Variants in MBNL2 observed in about 807,000 individuals in gnomAD.
The protein encoded by MBNL2 is muscleblind-like protein 2.
Under a neutral mutation model 41.9 loss-of-function variants are expected in MBNL2, and 17 were observed. The ratio of observed to expected loss-of-function variants is 0.41; its 90% confidence interval spans 0.28 to 0.61. The LOEUF (loss-of-function observed/expected upper bound fraction) is 0.61. MBNL2 is among the 20% of genes least tolerant of loss of function. MBNL2 has a pLI of 0.35. For synonymous variants in MBNL2, 195 were observed against 182.9 expected, an observed-to-expected ratio of 1.07 and a Z score of -0.53; for missense variants, 336 against 505.6, an observed-to-expected ratio of 0.66 and a Z score of 3.22.
At chr13:97,379,553 T>C (rs2065246351) in intron 8 of MBNL2, among the ~76,000 whole-genome samples, 1 of 152,022 alleles carries the variant, frequency 6.6e-6, no homozygotes, top group Admixed American at 6.5e-5. Context: ...CAACTAGAAG[T>C]TTAATTCAGT....
chr13:97,317,050 T>C (rs1168653332), intron 2 of MBNL2, among the ~76,000 whole-genome samples: 1 of 152,284 alleles, frequency 6.6e-6, no homozygotes, highest in Middle Eastern at 3.4e-3. Flanking sequence ...ACACATCTGA[T>C]GGCCTGGACC....
At chr13:97,186,414 C>T in the MBNL2 span, among the ~76,000 whole-genome samples, 3 of 152,176 alleles carry the variant, frequency 2.0e-5, no homozygotes, top group African/African-American at 7.2e-5. Context: ...CCTGCTCCTA[C>T]ACGGAGAGCT....
In MBNL2 at chr13:97,370,289, G is replaced by A. The variant is rs555928943; in HGVS notation, c.1048+5118G>A. Among the ~76,000 whole-genome samples, 103 of 152,164 alleles carry A rather than the reference G, an allele frequency of 6.8e-4. 1 individual carries two copies. Among genetic ancestry groups the A allele is most frequent in the Non-Finnish European group, 1.2e-3 (81 of 68,024 alleles). On this transcript the variant is annotated intron_variant, in intron 8 of 8. Transcript: ENST00000679496. ...ATGGTATACTGCCTTAGCAGCTCAA[G>A]CTAAGATGAATCTTACACTGGAGAG... is the stretch of plus-strand genomic sequence containing the variant.
intron 2 of MBNL2, among the ~76,000 whole-genome samples, chr13:97,303,659 C>T (rs897488489): frequency 2.5e-4 from 38 of 152,194 alleles, no homozygotes; most frequent in African/African-American, 8.9e-4. Flanking sequence ...CTTCCTGCTC[C>T]GGTGGCAGAA....
At chr13:97,289,660 T>G (rs1249911764) in intron 2 of MBNL2, among the ~76,000 whole-genome samples, 1 of 152,230 alleles carries the variant, frequency 6.6e-6, no homozygotes, top group Non-Finnish European at 1.5e-5. Flanking sequence ...GAGCCACTAT[T>G]TAGTGCCAAG....
In MBNL2 at chr13:97,285,831, G is replaced by T. The variant is rs143631468; in HGVS notation, c.174+9422G>T. Among the ~76,000 whole-genome samples, 10 of 152,142 alleles carry T rather than the reference G, an allele frequency of 6.6e-5. No individual in the cohort carries two copies. In the South Asian group the frequency reaches 1.5e-3, roughly 22 times the overall value. On this transcript the variant is annotated intron_variant, in intron 2 of 8. Transcript: ENST00000679496. Reference sequence around the variant, plus strand: ...TGATTTGGTGATTCACTCTCATCTGGTTTTCACCTCACCTCATTGGCCACT... The same window carrying T: ...TGATTTGGTGATTCACTCTCATCTGTTTTTCACCTCACCTCATTGGCCACT...
chr13:97,149,844 C>T, the MBNL2 span, among the ~76,000 whole-genome samples: 2 of 152,140 alleles, frequency 1.3e-5, no homozygotes, highest in Admixed American at 1.3e-4. Flanking sequence ...AAAGTTATTT[C>T]CTAAGAGGGC....
At chr13:97,204,086 TGGG>T in the MBNL2 span, among the ~76,000 whole-genome samples, 1 of 152,358 alleles carries the variant, frequency 6.6e-6, no homozygotes, top group Non-Finnish European at 1.5e-5. Context: ...CCTGATGACC[TGGG>T]GTCTGTCTGC....
chr13:97,187,635 C>T, the MBNL2 span, among the ~76,000 whole-genome samples: 3 of 138,156 alleles, frequency 2.2e-5, no homozygotes, highest in Non-Finnish European at 3.1e-5. Flanking sequence ...AGGCCGGGCG[C>T]GGTGGCTCAC....
rs536753950 is a variant in MBNL2, at chr13:97,358,199, T to C, written c.1012+564T>C. Among the ~76,000 whole-genome samples, 4 of 152,338 alleles carry C rather than the reference T, an allele frequency of 2.6e-5. 1 individual carries two copies. Among genetic ancestry groups the C allele is most frequent in the South Asian group, 2.1e-4 (1 of 4,830 alleles). ...CAATGCCTGATACTATTACGTACGATGTGCATTAACTATGATTCCACTAAA... is the reference window on the plus strand; with the variant it reads ...CAATGCCTGATACTATTACGTACGACGTGCATTAACTATGATTCCACTAAA... On this transcript the variant is annotated intron_variant, in intron 7 of 8. Coordinates refer to ENST00000679496, the MANE Select transcript of MBNL2 (RefSeq NM_001382683.1).
At chr13:97,321,520 C>T (rs150862178) in intron 2 of MBNL2, among the ~76,000 whole-genome samples, 100 of 152,304 alleles carry the variant, frequency 6.6e-4, no homozygotes, top group Middle Eastern at 3.4e-3. Context: ...AAATCTGTAA[C>T]CCCATAGTGT....
Position 97,334,555 on chromosome 13 carries a change from A to T in MBNL2, c.339+115A>T, listed in dbSNP as rs2060718034. 1.6e-6 allele frequency: 1 copy of T among 634,528 alleles called. No homozygotes were observed. Among genetic ancestry groups the T allele is most frequent in the Non-Finnish European group, 2.6e-6 (1 of 384,108 alleles). 39.3% of individuals were successfully genotyped at this position (634,528 alleles called of 1,614,324 possible). The stretch of plus-strand genomic sequence containing the variant: ...TTGTCACTTTGGTTACAATTAAAGC[A>T]AATAGCTTTAAAGCTCAATAGATGA... On this transcript the variant is annotated intron_variant, in intron 3 of 8. Coordinates refer to ENST00000679496, the MANE Select transcript of MBNL2 (RefSeq NM_001382683.1). This position sits in a 1 kb window ranked among gnomAD's most constrained non-coding sequence, Gnocchi z 5.3.
intron 7 of MBNL2, among the ~76,000 whole-genome samples, chr13:97,364,437 A>G (rs2063686817): frequency 6.6e-6 from 1 of 152,162 alleles, no homozygotes; most frequent in South Asian, 2.1e-4. Context: ...TACAACAGAG[A>G]GAAGACCACG....
intron 2 of MBNL2, among the ~76,000 whole-genome samples, chr13:97,331,903 G>C (rs1443431003): frequency 6.6e-6 from 1 of 152,202 alleles, no homozygotes; most frequent in Non-Finnish European, 1.5e-5. Flanking sequence ...GGTTCCCTAT[G>C]AGTCCCAGTT....
intron 2 of MBNL2, among the ~76,000 whole-genome samples, chr13:97,323,778 T>TA (rs200252224): frequency 2.5e-4 from 38 of 150,720 alleles, no homozygotes; most frequent in Non-Finnish European, 4.0e-4. Context: ...TAGCTCTAAT[T>TA]AAAAAAAAAA....
At chr13:97,145,814 G>T in the MBNL2 span, among the ~76,000 whole-genome samples, 3 of 152,094 alleles carry the variant, frequency 2.0e-5, no homozygotes, top group South Asian at 6.2e-4. Flanking sequence ...GCTTCTTCCT[G>T]GTTCCCTCAG....
At chr13:97,263,358 C>T (rs1265815922) in intron 1 of MBNL2, among the ~76,000 whole-genome samples, 1 of 152,160 alleles carries the variant, frequency 6.6e-6, no homozygotes, top group Non-Finnish European at 1.5e-5. Flanking sequence ...TGCCAGTGTT[C>T]CCCACTGTCT....
At chr13:97,344,429 T>C in intron 4 of MBNL2, among the ~76,000 whole-genome samples, 1 of 152,246 alleles carries the variant, frequency 6.6e-6, no homozygotes, top group South Asian at 2.1e-4. Context: ...CACAGTGCTT[T>C]CTGTTAGTGG....
the MBNL2 span, among the ~76,000 whole-genome samples, chr13:97,144,571 A>G: frequency 6.6e-6 from 1 of 151,242 alleles, no homozygotes. Flanking sequence ...CTGGGATTAC[A>G]GGCATGTGCC....
Sources: allele counts gnomAD v4.1 joint callset (sites outside exome capture counted in the v4.1 genomes callset), GRCh38; gene constraint gnomAD v4.1.1; non-coding constraint Gnocchi (gnomAD v3.1); transcripts MANE v1.5; gene names NCBI Gene and HGNC (gene_info 2026-07-23, HGNC 2026-07-21).